The following TERF2IP variants were observed in gnomAD, a reference collection of about 807,000 sequenced individuals.
TERF2IP encodes TERF2 interacting protein.
In TERF2IP, 35 loss-of-function variants were observed where a neutral mutation model predicts 33.3. The observed-to-expected ratio is 1.05, with a 90% confidence interval of 0.80 to 1.39. The LOEUF is 1.39. TERF2IP is among the 40% of genes most tolerant of loss of function. The pLI is 0.00. For missense variants in TERF2IP, 583 were observed against 524.8 expected (o/e 1.11, Z -1.08); for synonymous variants, 253 against 223.2 (o/e 1.13, Z -1.19).
rs750566996 is a variant in TERF2IP at position 75,647,833 on chromosome 16, G to C, written c.-50G>C. On this transcript the variant is annotated 5_prime_UTR_variant, in exon 1 of 3. Transcript: ENST00000300086. ...CAGCTCAGTCAGTTGAGCTCTGTGT[G>C]CCAGGCGCTCGCGAGGGGGTAGCTC... The C allele has an allele frequency of 3.9e-5, 62 of 1,596,262 alleles. 1 individual carries two copies. The Middle Eastern group carries it at 5.1e-4, about 13-fold the overall frequency.
intron 1 of TERF2IP, among the ~76,000 whole-genome samples, chr16:75,651,348 T>C (rs931650401): frequency 2.6e-5 from 4 of 151,696 alleles, no homozygotes; most frequent in Non-Finnish European, 5.9e-5. Context: ...GAAAAGGAAA[T>C]AAATAAGCGG....
chr16:75,648,416 G>A lies in TERF2IP; in HGVS notation c.534G>A (p.Gln178=), dbSNP rs758945541. The change falls in exon 1 of 3, where the codon CAG becomes CAA. Residue 178 remains glutamine, a synonymous_variant. Coordinates refer to ENST00000300086, the MANE Select transcript of TERF2IP (RefSeq NM_018975.4). ...GCTCGCTCACGCAGCACTCGTGGCA[G>A]TCCCTGAAGGACCGCTACCTCAAGC... is the stretch of plus-strand genomic sequence containing the variant. ...EKSSLTQHSW[Q]SLKDRYLKHL... 1.2e-6 allele frequency: 2 copies of A among 1,606,746 alleles called. No homozygotes were observed. Among genetic ancestry groups the A allele is most frequent in the Non-Finnish European group, 1.7e-6 (2 of 1,177,160 alleles).
At chr16:75,650,936 C>T (rs1166353640) in intron 1 of TERF2IP, among the ~76,000 whole-genome samples, 1 of 152,092 alleles carries the variant, frequency 6.6e-6, no homozygotes, top group Admixed American at 6.5e-5. Context: ...TCTAAGTAAT[C>T]TTTTGATAAT....
intron 1 of TERF2IP, 70 bp from the exon 2 acceptor site, chr16:75,654,203 C>T (rs2082367484): frequency 7.7e-7 from 1 of 1,290,930 alleles, no homozygotes; most frequent in Non-Finnish European, 1.0e-6. Context: ...CCAGAGCTCA[C>T]ACAGCAAATA....
At position 75,656,335 on chromosome 16, in the gene TERF2IP, A is replaced by G. The variant is rs536052041; in HGVS notation, c.924A>G (p.Gln308=). The G allele has an allele frequency of 6.2e-7, 1 of 1,614,076 alleles. No individual in the cohort carries two copies. The highest frequency in any genetic ancestry group is 2.2e-5 in the East Asian group (1 of 44,876). The change falls in exon 3 of 3, where the codon CAA becomes CAG. Residue 308 remains glutamine (Q), a synonymous_variant. Transcript: ENST00000300086. ...EEEEEEEKVS[Q]PEVGAAIKII... is the part of the protein sequence containing the mutation. ...AAGAAGAAGAAGAAAAAGTTTCTCAACCAGAGGTGGGAGCTGCCATTAAGA... is the reference window on the plus strand; with the variant it reads ...AAGAAGAAGAAGAAAAAGTTTCTCAGCCAGAGGTGGGAGCTGCCATTAAGA...
In TERF2IP at chr16:75,647,868, T is replaced by A. The variant is rs1182136967; in HGVS notation, c.-15T>A. ...CGCGAGGGGGTAGCTCTTCTAGTAGTGCTCGGCGTCAGACATGGCGGAGGC... is the reference window on the plus strand; with the variant it reads ...CGCGAGGGGGTAGCTCTTCTAGTAGAGCTCGGCGTCAGACATGGCGGAGGC... On this transcript the variant is annotated 5_prime_UTR_variant, in exon 1 of 3. Transcript: ENST00000300086. 1 of 1,601,462 alleles carries A rather than the reference T, an allele frequency of 6.2e-7. No individual in the cohort carries two copies. Among genetic ancestry groups the A allele is most frequent in the African/African-American group, 1.3e-5 (1 of 74,602 alleles).
intron 1 of TERF2IP, among the ~76,000 whole-genome samples, chr16:75,650,279 G>T (rs1176298552): frequency 6.6e-6 from 1 of 152,168 alleles, no homozygotes; most frequent in African/African-American, 2.4e-5. Flanking sequence ...CTCATAAGCT[G>T]ATGTTTAAGC....
At chr16:75,651,397 A>G (rs1345633158) in intron 1 of TERF2IP, among the ~76,000 whole-genome samples, 1 of 152,142 alleles carries the variant, frequency 6.6e-6, no homozygotes, top group Non-Finnish European at 1.5e-5. Context: ...TATTAAATGA[A>G]AGTAAATCAG....
At chr16:75,652,925 T>A (rs1396555159) in intron 1 of TERF2IP, among the ~76,000 whole-genome samples, 1 of 152,190 alleles carries the variant, frequency 6.6e-6, no homozygotes, top group Non-Finnish European at 1.5e-5. Flanking sequence ...CATTTCTCCC[T>A]CCTCTTAGCC....
rs1018506661 is a variant in TERF2IP at position 75,657,038 on chromosome 16, C to A, written c.*427C>A. 23 of 156,460 alleles carry A rather than the reference C, an allele frequency of 1.5e-4. No individual in the cohort carries two copies. The highest frequency in any genetic ancestry group is 2.7e-4 in the Non-Finnish European group (19 of 71,092). 9.7% of individuals were successfully genotyped at this position (156,460 alleles called of 1,614,324 possible). ...TTGGGATAGATTCCAAATAAAGAAT[C>A]TAGAAATAGGAGAAGATTTAATTAT... On this transcript the variant is annotated 3_prime_UTR_variant, in exon 3 of 3. Coordinates refer to ENST00000300086, the MANE Select transcript of TERF2IP (RefSeq NM_018975.4).
At chr16:75,654,800 C>T (rs1462577432) in intron 2 of TERF2IP, among the ~76,000 whole-genome samples, 1 of 152,134 alleles carries the variant, frequency 6.6e-6, no homozygotes, top group Non-Finnish European at 1.5e-5. Flanking sequence ...GCGATCTTGG[C>T]TCACTGCAAG....
rs748733923 is a variant in TERF2IP, at chr16:75,648,332, A to G, written c.450A>G (p.Glu150=). The G allele has an allele frequency of 4.4e-6, 7 of 1,577,146 alleles. No individual in the cohort carries two copies. Among genetic ancestry groups the G allele is most frequent in the African/African-American group, 4.0e-5 (3 of 74,502 alleles). Residue 150 remains glutamate, a synonymous_variant, in exon 1 of 3, where the codon GAA becomes GAG. Coordinates refer to ENST00000300086, the MANE Select transcript of TERF2IP (RefSeq NM_018975.4). ...TAGCCATCCTTACCTACGTGAAGGA[A>G]AATGCCCGCTCGCCCAGCTCCGTCA... ...DDVAILTYVK[E]NARSPSSVTG... is the part of the protein sequence containing the mutation.
rs2082394262 is a variant in TERF2IP, at chr16:75,657,285, AGT to A, written c.*677_*678del. The A allele has an allele frequency of 6.6e-6, 1 of 152,012 alleles. No homozygotes were observed. Among genetic ancestry groups the A allele is most frequent in the South Asian group, 2.1e-4 (1 of 4,820 alleles). 9.4% of individuals were successfully genotyped at this position (152,012 alleles called of 1,614,324 possible). ...TTAAAACGCGCACACAACTCTAGAG[AGT>A]GTTAAGAATAATGTTACTTGGTTAA... On this transcript the variant is annotated 3_prime_UTR_variant, in exon 3 of 3. Transcript: ENST00000300086.
intron 2 of TERF2IP, among the ~76,000 whole-genome samples, chr16:75,654,833 A>G (rs1426735741): frequency 6.6e-6 from 1 of 151,916 alleles, no homozygotes; most frequent in African/African-American, 2.4e-5. Flanking sequence ...GGTTCACACC[A>G]TTCTCCTGCC....
intron 2 of TERF2IP, among the ~76,000 whole-genome samples, 198 bp from the exon 3 acceptor site, chr16:75,656,005 GCACA>G (rs375526943): frequency 1.4e-4 from 21 of 151,390 alleles, no homozygotes; most frequent in African/African-American, 4.9e-4. Flanking sequence ...ACACACACGC[GCACA>G]CACACACGCG....
chr16:75,654,479 T>C (rs2151819955), intron 2 of TERF2IP, 82 bp downstream of exon 2: 1 of 1,441,144 alleles, frequency 6.9e-7, no homozygotes, highest in Admixed American at 1.9e-5. Flanking sequence ...ACCTTTTTCA[T>C]CTACCTGGGG....
chr16:75,648,364 AC>A lies in TERF2IP; in HGVS notation c.483del (p.Asn161LysfsTer20). 4.4e-6 allele frequency: 7 copies of A among 1,602,896 alleles called. No homozygotes were observed. Among genetic ancestry groups the A allele is most frequent in the Admixed American group, 1.7e-5 (1 of 58,206 alleles). ...NARSPSSVTGNALWKAMEKSS... is the reference protein window; with the variant it reads ...NARSPSSVTGXALWKAMEKSS... The stretch of plus-strand genomic sequence containing the variant: ...CGCTCGCCCAGCTCCGTCACCGGTA[AC>A]GCCTTGTGGAAAGCGATGGAGAAGA... On this transcript the variant is annotated frameshift_variant, in exon 1 of 3. Coordinates refer to ENST00000300086, the MANE Select transcript of TERF2IP (RefSeq NM_018975.4). LOFTEE classifies it high-confidence loss of function.
At chr16:75,648,619 T>A (rs763235216) in intron 1 of TERF2IP, 67 bp downstream of exon 1, 18 of 1,451,474 alleles carry the variant, frequency 1.2e-5, no homozygotes, top group Non-Finnish European at 1.6e-5. Context: ...TTCTCCTGGC[T>A]GCCTGGCGTC....
At chr16:75,653,156 T>C (rs2151819212) in intron 1 of TERF2IP, among the ~76,000 whole-genome samples, 1 of 152,352 alleles carries the variant, frequency 6.6e-6, no homozygotes, top group South Asian at 2.1e-4. Flanking sequence ...TGTTTTTCCA[T>C]TAATGTATCA....
Sources: gnomAD v4.1 joint callset for allele counts (sites outside exome capture counted in the v4.1 genomes callset) on GRCh38, gnomAD v4.1.1 for gene constraint, MANE v1.5 for transcripts, NCBI Gene and HGNC (gene_info 2026-07-23, HGNC 2026-07-21) for gene names.